The following NOS1 variants were observed in gnomAD, a reference collection of about 807,000 sequenced individuals.
NOS1 encodes nitric oxide synthase 1.
In NOS1, 51 loss-of-function variants were observed where a neutral mutation model predicts 164.5. That is an observed-to-expected ratio of 0.31 (90% CI 0.25 to 0.39). The LOEUF (loss-of-function observed/expected upper bound fraction) is 0.39. Ranked by LOEUF, NOS1 falls within the 10% of genes least tolerant of loss-of-function variation. The probability of loss-of-function intolerance (pLI) is 1.00; values close to 1 mark genes in which losing one functional copy is unlikely to be tolerated. For synonymous variants in NOS1, 719 were observed against 745.8 expected (o/e 0.96, Z 0.59); for missense variants, 1,362 against 1,885.6 (o/e 0.72, Z 5.14).
At position 117,234,831 on chromosome 12, in the gene NOS1, G is replaced by A; in HGVS notation, c.3042-73C>T. ...TCCTCCTTTTTTTGCTCTTCTGTCTGTCCTTGTTGGCTGCAATTCTCCTCC... is the reference window on the plus strand; with the variant it reads ...TCCTCCTTTTTTTGCTCTTCTGTCTATCCTTGTTGGCTGCAATTCTCCTCC... On this transcript the variant is annotated intron_variant, in intron 20 of 28. Coordinates refer to ENST00000317775, the MANE Select transcript of NOS1 (RefSeq NM_000620.5). This position sits in a 1 kb window ranked among gnomAD's most constrained non-coding sequence, Gnocchi z 4.3. 7.5e-7 allele frequency: 1 copy of A among 1,331,676 alleles called. No individual in the cohort carries two copies. Among genetic ancestry groups the A allele is most frequent in the Non-Finnish European group, 1.0e-6 (1 of 974,258 alleles). The allele number at this position is 1,331,676 out of a possible 1,614,324, so 82.5% of individuals were successfully genotyped here.
In NOS1 at chr12:117,209,821, G is replaced by A; in HGVS notation, c.*5488C>T. On this transcript the variant is annotated 3_prime_UTR_variant, in exon 29 of 29. Transcript: ENST00000317775. ...AGGGACTGGCAGTGGGCCAAGGATA[G>A]GGAGTGTGAGATAAAGGGCAGAGGC... 1 of 985,486 alleles carries A rather than the reference G, an allele frequency of 1.0e-6. No individual in the cohort carries two copies. The highest frequency in any genetic ancestry group is 1.2e-6 in the Non-Finnish European group (1 of 829,972). The allele number at this position is 985,486 out of a possible 1,614,324, so 61.0% of individuals were successfully genotyped here.
At chr12:117,259,857 C>T (rs1871745312) in intron 14 of NOS1, among the ~76,000 whole-genome samples, 2 of 152,254 alleles carry the variant, frequency 1.3e-5, no homozygotes, top group East Asian at 3.9e-4. Flanking sequence ...CGGTGGCTCA[C>T]GCCTGTAATC....
At chr12:117,279,444 C>T (rs1372852636) in intron 8 of NOS1, among the ~76,000 whole-genome samples, 1 of 152,056 alleles carries the variant, frequency 6.6e-6, no homozygotes, top group Non-Finnish European at 1.5e-5. Flanking sequence ...ACCCAGACTT[C>T]GAGATCCAGT....
At chr12:117,290,021 G>C (rs1292436334) in intron 4 of NOS1, among the ~76,000 whole-genome samples, 3 of 152,158 alleles carry the variant, frequency 2.0e-5, no homozygotes, top group Non-Finnish European at 4.4e-5. Context: ...GTTGTTAGAA[G>C]GGAGGTGATT....
At chr12:117,300,877 A>T (rs927499795) in intron 3 of NOS1, among the ~76,000 whole-genome samples, 2 of 152,190 alleles carry the variant, frequency 1.3e-5, no homozygotes, top group African/African-American at 4.8e-5. Context: ...TAGGGAAAGG[A>T]GTAATCAAGA....
intron 27 of NOS1, among the ~76,000 whole-genome samples, chr12:117,219,506 T>TA (rs9658537): frequency 0.056 from 8,506 of 152,042 alleles, 492 homozygotes; most frequent in African/African-American, 0.14. Context: ...AGGGTTTCAC[T>TA]ATGTTAGTCA....
intron 1 of NOS1, among the ~76,000 whole-genome samples, chr12:117,346,457 C>T (rs553824871): frequency 5.3e-5 from 8 of 152,114 alleles, no homozygotes; most frequent in South Asian, 2.1e-4. Flanking sequence ...GACCACAGAG[C>T]GAGACTCTGT....
intron 3 of NOS1, among the ~76,000 whole-genome samples, chr12:117,294,388 G>A (rs1270977141): frequency 2.0e-5 from 3 of 152,170 alleles, no homozygotes; most frequent in Non-Finnish European, 4.4e-5. Context: ...ATCTGTTGAG[G>A]TCCCAGATGT....
At chr12:117,281,150 T>C (rs1369314614) in intron 7 of NOS1, among the ~76,000 whole-genome samples, 2 of 152,172 alleles carry the variant, frequency 1.3e-5, no homozygotes, top group African/African-American at 2.4e-5. Context: ...TAAATAATAT[T>C]GACTTGAGCC....
chr12:117,358,785 G>A (rs1876978399), intron 1 of NOS1, among the ~76,000 whole-genome samples: 1 of 152,170 alleles, frequency 6.6e-6, no homozygotes, highest in Non-Finnish European at 1.5e-5. Flanking sequence ...TTGGGACTTT[G>A]GGGAAAAAAA....
Position 117,355,790 on chromosome 12 carries a change from G to T in NOS1, c.-421+5722C>A, listed in dbSNP as rs1876827177. Among the ~76,000 whole-genome samples, 2 of 152,144 alleles carry T rather than the reference G, an allele frequency of 1.3e-5. 1 individual carries two copies. The highest frequency in any genetic ancestry group is 4.1e-4 in the South Asian group (2 of 4,822). On this transcript the variant is annotated intron_variant, in intron 1 of 28. Transcript: ENST00000317775. ...TTTATGTATTTTCGAGACAGGTTCT[G>T]GCTCTGTTACCCAGGATGGAGTGCA...
At chr12:117,358,588 C>T (rs1364238946) in intron 1 of NOS1, among the ~76,000 whole-genome samples, 3 of 152,188 alleles carry the variant, frequency 2.0e-5, no homozygotes, top group Admixed American at 6.5e-5. Flanking sequence ...CATACATCAT[C>T]ACAGAGTCTT....
At chr12:117,237,911 T>TGAG (rs1196906119) in intron 20 of NOS1, among the ~76,000 whole-genome samples, 5 of 152,030 alleles carry the variant, frequency 3.3e-5, no homozygotes, top group Admixed American at 1.3e-4. Flanking sequence ...GGTGATGGGT[T>TGAG]GAGGGGAGCA....
At chr12:117,251,067 T>C (rs990683737) in intron 17 of NOS1, among the ~76,000 whole-genome samples, 6 of 152,142 alleles carry the variant, frequency 3.9e-5, no homozygotes, top group Non-Finnish European at 8.8e-5. Flanking sequence ...GATTAGGTCA[T>C]GAAGGTGAAG....
At chr12:117,290,917 A>G (rs1042436940) in intron 3 of NOS1, among the ~76,000 whole-genome samples, 1 of 152,128 alleles carries the variant, frequency 6.6e-6, no homozygotes, top group Admixed American at 6.6e-5. Flanking sequence ...AAAGATTTAA[A>G]TTGAAAAATT....
intron 17 of NOS1, among the ~76,000 whole-genome samples, chr12:117,251,062 G>A (rs2135965472): frequency 6.6e-6 from 1 of 152,236 alleles, no homozygotes; most frequent in East Asian, 1.9e-4. Context: ...GAGATGATTA[G>A]GTCATGAAGG....
chr12:117,260,333 T>C, intron 14 of NOS1, 132 bp downstream of exon 14: 1 of 892,862 alleles, frequency 1.1e-6, no homozygotes, highest in Non-Finnish European at 1.7e-6. Flanking sequence ...AATGTGTATG[T>C]GAGCTGATAG....
At chr12:117,315,545 G>T (rs916509787) in intron 2 of NOS1, among the ~76,000 whole-genome samples, 6 of 152,120 alleles carry the variant, frequency 3.9e-5, no homozygotes, top group African/African-American at 1.2e-4. Flanking sequence ...AAAATCAGAA[G>T]GAGATTTAGT....
chr12:117,331,749 C>T (rs1401474022), intron 1 of NOS1, among the ~76,000 whole-genome samples: 1 of 152,212 alleles, frequency 6.6e-6, no homozygotes. Context: ...CCTGGGCAAA[C>T]ATGGACAGTC....
Sources: gnomAD v4.1 joint callset for allele counts (sites outside exome capture counted in the v4.1 genomes callset) on GRCh38, gnomAD v4.1.1 for gene constraint, Gnocchi (gnomAD v3.1) non-coding constraint, MANE v1.5 for transcripts, NCBI Gene and HGNC (gene_info 2026-07-23, HGNC 2026-07-21) for gene names.